The following MYL3 variants were observed in gnomAD, a reference collection of about 807,000 sequenced individuals.
MYL3 encodes the protein CMLC1.
A neutral mutation model predicts 21.3 loss-of-function variants in MYL3; 11 were observed. That is an observed-to-expected ratio of 0.52 (90% CI 0.32 to 0.85). MYL3 has a LOEUF of 0.85. Among genes scored for constraint, MYL3 ranks in the 40% least tolerant of loss-of-function variants. The pLI is 0.03. For synonymous variants in MYL3, 88 were observed against 91.6 expected (o/e 0.96, Z 0.22); for missense variants, 206 against 253.3 (o/e 0.81, Z 1.27).
chr3:46,859,069 G>A lies in MYL3; in HGVS notation c.481+406C>T, dbSNP rs1701962637. Among the ~76,000 whole-genome samples the A allele has an allele frequency of 6.6e-6, 1 of 152,176 alleles. No homozygotes were observed. The highest frequency in any genetic ancestry group is 2.1e-4 in the South Asian group (1 of 4,832). On this transcript the variant is annotated intron_variant, in intron 4 of 6. Transcript: ENST00000292327. This position sits in a 1 kb window ranked among gnomAD's most constrained non-coding sequence, Gnocchi z 4.1. ...CCCTGCTGCAGGCAGCCGATGGTAG[G>A]GGTATAAGTGGGAGGTACACAGGGC...
In MYL3 at chr3:46,876,751, G is replaced by A. The variant is rs2030242220; in HGVS notation, c.-218+5323C>T. Among the ~76,000 whole-genome samples the A allele has an allele frequency of 4.6e-5, 7 of 152,298 alleles. No individual in the cohort carries two copies. In the South Asian group the frequency reaches 1.4e-3, roughly 32 times the overall value. On this transcript the variant is annotated intron_variant, in intron 1 of 3. Transcript: ENST00000431168. ...ATGCAGGGCACTGGGGGCTACAGCT[G>A]GAATGTGCTGAGTGGCAGCTGCCAC...
rs1391604372 is a variant in MYL3 at position 46,861,444 on chromosome 3, C to T, written c.130-457G>A. On this transcript the variant is annotated intron_variant, in intron 1 of 6. Transcript: ENST00000292327. This position sits in a 1 kb window ranked among gnomAD's most constrained non-coding sequence, Gnocchi z 4.2. ...GAAGGAGTAAGGGCAATGGTACAGG[C>T]CGAGGGCTGGTGGCTGGAAGCATCG... Among the ~76,000 whole-genome samples the T allele has an allele frequency of 1.3e-5, 2 of 152,188 alleles. No homozygotes were observed. Among genetic ancestry groups the T allele is most frequent in the Admixed American group, 6.5e-5 (1 of 15,280 alleles).
intron 1 of MYL3, among the ~76,000 whole-genome samples, chr3:46,873,604 T>C (rs955013466): frequency 2.0e-5 from 3 of 152,218 alleles, no homozygotes; most frequent in African/African-American, 7.2e-5. Flanking sequence ...AACCCAGCTC[T>C]GCTCGTTGGG....
At chr3:46,862,676 T>A (rs1020786293) in intron 1 of MYL3, among the ~76,000 whole-genome samples, 1 of 152,154 alleles carries the variant, frequency 6.6e-6, no homozygotes, top group African/African-American at 2.4e-5. Flanking sequence ...GGGCCACTGG[T>A]CATAGCTCCA....
intron 1 of MYL3, among the ~76,000 whole-genome samples, chr3:46,875,370 C>T (rs1179905017): frequency 6.6e-6 from 1 of 152,212 alleles, no homozygotes; most frequent in Non-Finnish European, 1.5e-5. Flanking sequence ...GATGCAAGCC[C>T]ATGCCCACAC....
At chr3:46,865,676 G>A (rs1304953578), upstream of MYL3, among the ~76,000 whole-genome samples, 1 of 152,228 alleles carries the variant, frequency 6.6e-6, no homozygotes, top group Non-Finnish European at 1.5e-5. The surrounding 1 kb of genome is among the most constrained non-coding windows in gnomAD (Gnocchi z 4.3). Flanking sequence ...AGAGCATCCT[G>A]GGCCTCAGTG....
chr3:46,862,406 T>C (rs957452803), intron 1 of MYL3, among the ~76,000 whole-genome samples: 1 of 152,004 alleles, frequency 6.6e-6, no homozygotes. Flanking sequence ...TCAAAGGACA[T>C]GGTAGGTGTC....
intron 1 of MYL3, among the ~76,000 whole-genome samples, chr3:46,872,366 C>T (rs1360766834): frequency 1.3e-5 from 2 of 152,170 alleles, no homozygotes; most frequent in Non-Finnish European, 2.9e-5. Context: ...GCCCTGCCTT[C>T]GGGAGTCCTG....
In MYL3 at chr3:46,870,071, G is replaced by T. The variant is rs148816465; in HGVS notation, c.-217-3471C>A. On this transcript the variant is annotated intron_variant, in intron 1 of 3. Transcript: ENST00000431168. ...AGAGAGATGGGGCAGTCAGAAACAG[G>T]GGGGAGAGAGGGTTGGTAGGAGGGT... Among the ~76,000 whole-genome samples the T allele has an allele frequency of 2.9e-3, 448 of 152,188 alleles. 1 individual carries two copies. Among genetic ancestry groups the T allele is most frequent in the African/African-American group, 0.01 (422 of 41,512 alleles).
At chr3:46,869,811 C>G (rs543113818) in intron 1 of MYL3, among the ~76,000 whole-genome samples, 1 of 152,094 alleles carries the variant, frequency 6.6e-6, no homozygotes, top group South Asian at 2.1e-4. Context: ...GTCAAAAATG[C>G]AAGTAAATTT....
At chr3:46,858,848 G>A (rs1045196076) in intron 4 of MYL3, among the ~76,000 whole-genome samples, 1 of 152,106 alleles carries the variant, frequency 6.6e-6, no homozygotes, top group Non-Finnish European at 1.5e-5. Flanking sequence ...CCCAAGTCTG[G>A]TATTCTCCTG....
chr3:46,881,765 G>C (rs889042763), intron 1 of MYL3, among the ~76,000 whole-genome samples: 4 of 152,024 alleles, frequency 2.6e-5, no homozygotes, highest in African/African-American at 9.7e-5. Flanking sequence ...GCCGGGCTCG[G>C]GGCTGGCAGC....
chr3:46,861,605 G>C lies in MYL3; in HGVS notation c.130-618C>G, dbSNP rs1218060757. Among the ~76,000 whole-genome samples the C allele has an allele frequency of 6.6e-6, 1 of 152,162 alleles. No individual in the cohort carries two copies. The highest frequency in any genetic ancestry group is 6.5e-5 in the Admixed American group (1 of 15,274). Reference sequence around the variant, plus strand: ...TACCTATTTCTCACACACCCTGTCCGTAGGTCCCTGGGAAGCTCCCACACC... The same window carrying C: ...TACCTATTTCTCACACACCCTGTCCCTAGGTCCCTGGGAAGCTCCCACACC... On this transcript the variant is annotated intron_variant, in intron 1 of 6. Coordinates refer to ENST00000292327, the MANE Select transcript of MYL3 (RefSeq NM_000258.3). This position sits in a 1 kb window ranked among gnomAD's most constrained non-coding sequence, Gnocchi z 4.2.
intron 1 of MYL3, among the ~76,000 whole-genome samples, chr3:46,868,710 G>A (rs578019587): frequency 6.6e-6 from 1 of 152,342 alleles, no homozygotes; most frequent in East Asian, 1.9e-4. Context: ...GGACAGCATT[G>A]GCCAGGCTTG....
At chr3:46,871,594 C>G (rs1382517335) in intron 1 of MYL3, among the ~76,000 whole-genome samples, 2 of 152,024 alleles carry the variant, frequency 1.3e-5, no homozygotes, top group African/African-American at 4.8e-5. Flanking sequence ...AAGCTCCCAT[C>G]AGGTCAGCCT....
intron 1 of MYL3, among the ~76,000 whole-genome samples, chr3:46,878,026 A>T (rs1444827187): frequency 1.3e-5 from 2 of 152,246 alleles, no homozygotes; most frequent in Non-Finnish European, 2.9e-5. Context: ...CCATGAGGCC[A>T]GCAGGGACAG....
Position 46,863,416 on chromosome 3 carries a change from T to C in MYL3, c.-26A>G. ...TGGGGGCTGTAAGTACAGAGAGGGATGTGGAGAGAAGAATGCAGAAAGCAG... is the reference window on the plus strand; with the variant it reads ...TGGGGGCTGTAAGTACAGAGAGGGACGTGGAGAGAAGAATGCAGAAAGCAG... On this transcript the variant is annotated 5_prime_UTR_variant, in exon 1 of 7. Transcript: ENST00000292327. The C allele has an allele frequency of 6.2e-7, 1 of 1,611,974 alleles. No individual in the cohort carries two copies. The highest frequency in any genetic ancestry group is 2.2e-5 in the East Asian group (1 of 44,846).
chr3:46,867,216 C>T (rs57913184), upstream of MYL3, among the ~76,000 whole-genome samples: 20,006 of 151,952 alleles, frequency 0.13, 3,554 homozygotes, highest in African/African-American at 0.4. Context: ...AGACCCCAGA[C>T]ACAGGAACCA....
In MYL3 at chr3:46,859,329, A is replaced by G. The variant is rs1003189537; in HGVS notation, c.481+146T>C. ...TGCTTGCTTTACTCTCCTCCTAAGTAACATTTCTGTTGTCTGCCATTGAGG... is the reference window on the plus strand; with the variant it reads ...TGCTTGCTTTACTCTCCTCCTAAGTGACATTTCTGTTGTCTGCCATTGAGG... On this transcript the variant is annotated intron_variant, in intron 4 of 6. Transcript: ENST00000292327. This position sits in a 1 kb window ranked among gnomAD's most constrained non-coding sequence, Gnocchi z 4.1. 5.8e-6 allele frequency: 6 copies of G among 1,028,634 alleles called. No homozygotes were observed. The highest frequency in any genetic ancestry group is 8.8e-6 in the Non-Finnish European group (6 of 680,680). The allele number at this position is 1,028,634 out of a possible 1,614,324, so 63.7% of individuals were successfully genotyped here. A position where few individuals can be genotyped will look rare whatever the true frequency, so the allele number is the denominator to read the frequency against.
Sources: gnomAD v4.1 joint callset for allele counts (sites outside exome capture counted in the v4.1 genomes callset) on GRCh38, gnomAD v4.1.1 for gene constraint, Gnocchi (gnomAD v3.1) non-coding constraint, MANE v1.5 for transcripts, NCBI Gene and HGNC (gene_info 2026-07-23, HGNC 2026-07-21) for gene names.